The following ADCY8 variants were observed in gnomAD, a reference collection of about 807,000 sequenced individuals.
ADCY8 encodes the protein adenylate cyclase 8.
A neutral mutation model predicts 119.7 loss-of-function variants in ADCY8; 51 were observed. The observed-to-expected ratio is 0.43, with a 90% CI of 0.34 to 0.54. The LOEUF is 0.54. ADCY8 is among the 20% of genes least tolerant of loss of function. The probability of loss-of-function intolerance (pLI) is 0.03; values close to 1 mark genes in which losing one functional copy is unlikely to be tolerated. For missense variants in ADCY8, 1,383 were observed against 1,598.8 expected, an observed-to-expected ratio of 0.87 and a Z score of 2.30; for synonymous variants, 665 against 651.0, an observed-to-expected ratio of 1.02 and a Z score of -0.33.
intron 9 of ADCY8, among the ~76,000 whole-genome samples, chr8:130,856,303 T>C (rs1436383047): frequency 6.6e-6 from 1 of 152,010 alleles, no homozygotes; most frequent in South Asian, 2.1e-4. Context: ...AGCTTTATGA[T>C]GGCAGAGACC....
chr8:130,992,382 CATAT>C (rs1161136558), intron 1 of ADCY8, among the ~76,000 whole-genome samples: 1,439 of 76,470 alleles, frequency 0.019, 32 homozygotes, highest in Non-Finnish European at 0.028. Flanking sequence ...CTGTATCTGG[CATAT>C]ATATATATAT....
intron 11 of ADCY8, among the ~76,000 whole-genome samples, chr8:130,840,686 T>C (rs1178286138): frequency 6.6e-6 from 1 of 152,166 alleles, no homozygotes; most frequent in Non-Finnish European, 1.5e-5. Flanking sequence ...TAATGTGCAA[T>C]ATCAAATGAA....
chr8:131,001,594 CACATACTAT>C (rs1822950019), intron 1 of ADCY8, among the ~76,000 whole-genome samples: 2 of 147,402 alleles, frequency 1.4e-5, no homozygotes, highest in Admixed American at 1.4e-4. Flanking sequence ...CTAATATATA[CACATACTAT>C]ATATACAAAT....
In ADCY8 at chr8:130,812,062, G is replaced by A. The variant is rs77623343; in HGVS notation, c.2913+2007C>T. 3.3e-5 allele frequency among the ~76,000 whole-genome samples: 5 copies of A among 152,246 alleles called. 1 individual carries two copies. The East Asian group carries it at 9.7e-4, about 29-fold the overall frequency. On this transcript the variant is annotated intron_variant, in intron 14 of 17. Transcript: ENST00000286355. ...ACTATTGATTCTATATCCTAAAGGT[G>A]TCTGTAATTCATCTTCTTCTCTCCA... is the stretch of plus-strand genomic sequence containing the variant.
intron 7 of ADCY8, chr8:130,892,389 G>T (rs1156526213): frequency 6.6e-6 from 1 of 152,072 alleles, no homozygotes; most frequent in Non-Finnish European, 1.5e-5. Flanking sequence ...ATTGACTTTT[G>T]TTCCTTGGTG....
At chr8:131,021,792 C>T (rs1823677669) in intron 1 of ADCY8, among the ~76,000 whole-genome samples, 1 of 152,156 alleles carries the variant, frequency 6.6e-6, no homozygotes, top group Non-Finnish European at 1.5e-5. Flanking sequence ...TGAGGCCTCC[C>T]CAGCGATGCT....
At chr8:130,906,737 G>T (rs1819798883) in intron 6 of ADCY8, among the ~76,000 whole-genome samples, 1 of 151,474 alleles carries the variant, frequency 6.6e-6, no homozygotes, top group Admixed American at 6.6e-5. Flanking sequence ...TTTAATGCTA[G>T]GATATAATAA....
chr8:130,818,154 CCT>C (rs1353894599), intron 13 of ADCY8, among the ~76,000 whole-genome samples: 2 of 152,078 alleles, frequency 1.3e-5, no homozygotes, highest in Non-Finnish European at 2.9e-5. Flanking sequence ...AAATGACAGC[CCT>C]GGAAGGTTGA....
At chr8:130,999,953 A>C (rs1822892464) in intron 1 of ADCY8, among the ~76,000 whole-genome samples, 1 of 152,222 alleles carries the variant, frequency 6.6e-6, no homozygotes, top group Non-Finnish European at 1.5e-5. Flanking sequence ...GTTTCATCAT[A>C]AATTTTGGAG....
rs1328212666 is a variant in ADCY8, at chr8:130,914,096, A to G, written c.1482-4230T>C. Among the ~76,000 whole-genome samples the G allele has an allele frequency of 5.3e-5, 8 of 152,198 alleles. No homozygotes were observed. In the East Asian group the frequency reaches 1.5e-3, roughly 29 times the overall value. ...CTGAGAAAGTAAAATGATTTTCCCT[A>G]TGGCCCAGAGCTGGTAAGTAGGATT... is the stretch of plus-strand genomic sequence containing the variant. On this transcript the variant is annotated intron_variant, in intron 5 of 17. Transcript: ENST00000286355.
intron 15 of ADCY8, among the ~76,000 whole-genome samples, chr8:130,789,031 G>A (rs939296200): frequency 2.0e-5 from 3 of 152,276 alleles, no homozygotes; most frequent in South Asian, 2.1e-4. Context: ...GGACGGGGAG[G>A]AGCAGGAAGA....
At chr8:130,906,695 G>A (rs1182914848) in intron 6 of ADCY8, among the ~76,000 whole-genome samples, 1 of 151,940 alleles carries the variant, frequency 6.6e-6, no homozygotes, top group African/African-American at 2.4e-5. Flanking sequence ...CTAAGGAAAT[G>A]AGTCAAGTAA....
At chr8:131,022,980 C>T (rs1416025389) in intron 1 of ADCY8, among the ~76,000 whole-genome samples, 1 of 152,058 alleles carries the variant, frequency 6.6e-6, no homozygotes. Context: ...CAGTGGGAAC[C>T]CATGCATGTT....
At chr8:130,948,601 A>C (rs1821175364) in intron 3 of ADCY8, among the ~76,000 whole-genome samples, 1 of 151,146 alleles carries the variant, frequency 6.6e-6, no homozygotes, top group African/African-American at 2.4e-5. Context: ...GTAAGTCAAG[A>C]CTTAGATGTG....
intron 1 of ADCY8, among the ~76,000 whole-genome samples, chr8:131,012,618 A>G (rs561745977): frequency 6.6e-6 from 1 of 152,174 alleles, no homozygotes; most frequent in Admixed American, 6.5e-5. Flanking sequence ...CTTCTGGCAG[A>G]CAGTCCTCAG....
In ADCY8 at chr8:131,019,845, C is replaced by CTG. The variant is rs1413496711; in HGVS notation, c.960+19528_960+19529insCA. Among the ~76,000 whole-genome samples, 831 of 113,830 alleles carry CTG rather than the reference C, an allele frequency of 7.3e-3. 2 individuals carry two copies. The highest frequency in any genetic ancestry group is 0.013 in the African/African-American group (361 of 27,510). 74.7% of individuals were successfully genotyped at this position (113,830 alleles called of 152,430 possible). A position where few individuals can be genotyped will look rare whatever the true frequency, so the allele number is the denominator to read the frequency against. On this transcript the variant is annotated intron_variant, in intron 1 of 17. Coordinates refer to ENST00000286355, the MANE Select transcript of ADCY8 (RefSeq NM_001115.3). ...TCTCTCTCTCTCTCTCTCTGTCTGT[C>CTG]TCTCTCTCTCTCTCTCTCTCTCTCT... is the stretch of plus-strand genomic sequence containing the variant.
At chr8:130,994,184 T>G (rs1254645946) in intron 1 of ADCY8, among the ~76,000 whole-genome samples, 2 of 152,250 alleles carry the variant, frequency 1.3e-5, no homozygotes, top group African/African-American at 4.8e-5. Flanking sequence ...TTGGTCCTCT[T>G]CAGTTAGGAC....
At chr8:131,032,204 T>G (rs1161352379) in intron 1 of ADCY8, among the ~76,000 whole-genome samples, 1 of 152,216 alleles carries the variant, frequency 6.6e-6, no homozygotes, top group Non-Finnish European at 1.5e-5. Flanking sequence ...TGTGATTTAC[T>G]TTCATATCCG....
chr8:130,830,006 C>A (rs1006108657), intron 12 of ADCY8, among the ~76,000 whole-genome samples: 7 of 152,154 alleles, frequency 4.6e-5, no homozygotes, highest in African/African-American at 1.4e-4. Context: ...TCACACAATG[C>A]CCTTTTCAGC....
Sources: allele counts gnomAD v4.1 joint callset (sites outside exome capture counted in the v4.1 genomes callset), GRCh38; gene constraint gnomAD v4.1.1; transcripts MANE v1.5; gene names NCBI Gene and HGNC (gene_info 2026-07-23, HGNC 2026-07-21).